The following SMAD6 variants were observed in gnomAD, a reference collection of about 807,000 sequenced individuals.
SMAD6 encodes MAD homolog 6.
Under a neutral mutation model 39.4 loss-of-function variants are expected in SMAD6, and 103 were observed. That is an observed-to-expected ratio of 2.62 (90% CI 2.23 to 3.08). The LOEUF (loss-of-function observed/expected upper bound fraction) is 3.08. SMAD6 is among the 30% of genes most tolerant of loss of function. SMAD6 has a pLI of 0.00. For missense variants in SMAD6, 1,104 were observed against 742.9 expected (o/e 1.49, Z -5.65); for synonymous variants, 445 against 353.3 (o/e 1.26, Z -2.91).
At chr15:66,712,118 G>A (rs1046896926) in intron 2 of SMAD6, among the ~76,000 whole-genome samples, 13 of 152,182 alleles carry the variant, frequency 8.5e-5, no homozygotes, top group African/African-American at 2.4e-5. Context: ...TTAATTAGTA[G>A]TATGACAAAT....
At chr15:66,767,931 A>G (rs1189813773) in intron 3 of SMAD6, among the ~76,000 whole-genome samples, 3 of 127,740 alleles carry the variant, frequency 2.3e-5, no homozygotes, top group Non-Finnish European at 3.4e-5. Context: ...TGTACTTTTA[A>G]TTTTGGAGTG....
intron 3 of SMAD6, among the ~76,000 whole-genome samples, chr15:66,746,998 GTGAC>G: frequency 6.6e-6 from 1 of 152,216 alleles, no homozygotes; most frequent in Non-Finnish European, 1.5e-5. Flanking sequence ...GTATGTTTGA[GTGAC>G]TTTCTGGGAT....
At chr15:66,745,710 C>G (rs565785299) in intron 3 of SMAD6, among the ~76,000 whole-genome samples, 6 of 152,336 alleles carry the variant, frequency 3.9e-5, no homozygotes, top group South Asian at 2.1e-4. Context: ...CAGGCTCCCC[C>G]CCAAGCTCTG....
At chr15:66,761,841 A>T (rs1174087763) in intron 3 of SMAD6, among the ~76,000 whole-genome samples, 1 of 152,124 alleles carries the variant, frequency 6.6e-6, no homozygotes, top group Non-Finnish European at 1.5e-5. Flanking sequence ...ATTCCACGGC[A>T]CCCTGTACTT....
intron 3 of SMAD6, among the ~76,000 whole-genome samples, chr15:66,740,005 G>T (rs1191039276): frequency 6.6e-6 from 1 of 152,198 alleles, no homozygotes; most frequent in Non-Finnish European, 1.5e-5. Context: ...ATATTTTCCT[G>T]TGTCATTAAC....
At chr15:66,712,931 C>T (rs779209885) in intron 2 of SMAD6, among the ~76,000 whole-genome samples, 6 of 152,136 alleles carry the variant, frequency 3.9e-5, no homozygotes, top group South Asian at 2.1e-4. Context: ...CCCTTAAGCC[C>T]AGGAGTTAGA....
intron 3 of SMAD6, among the ~76,000 whole-genome samples, chr15:66,728,407 T>G (rs28541588): frequency 1.3e-5 from 2 of 151,906 alleles, no homozygotes; most frequent in Admixed American, 6.6e-5. Flanking sequence ...TTTGTTTTTT[T>G]TTTGTTTTTT....
At chr15:66,744,313 C>T (rs775608511) in intron 3 of SMAD6, among the ~76,000 whole-genome samples, 1 of 152,228 alleles carries the variant, frequency 6.6e-6, no homozygotes, top group Non-Finnish European at 1.5e-5. Flanking sequence ...GTGTGGCCTG[C>T]CTCGGGCCAG....
At chr15:66,749,532 A>G (rs1567106964) in intron 3 of SMAD6, among the ~76,000 whole-genome samples, 1 of 152,096 alleles carries the variant, frequency 6.6e-6, no homozygotes, top group Non-Finnish European at 1.5e-5. Flanking sequence ...ATGGGAGCAA[A>G]GTTGAGCCCG....
At chr15:66,776,546 A>T (rs1382055724) in intron 3 of SMAD6, among the ~76,000 whole-genome samples, 1 of 152,178 alleles carries the variant, frequency 6.6e-6, no homozygotes, top group South Asian at 2.1e-4. Flanking sequence ...ACCATGTGGC[A>T]TGGATTAGAG....
chr15:66,764,479 C>G (rs28411714), intron 3 of SMAD6, among the ~76,000 whole-genome samples: 2 of 152,032 alleles, frequency 1.3e-5, no homozygotes, highest in Admixed American at 1.3e-4. Flanking sequence ...CCCTTCCTCC[C>G]TAGAGTATAT....
chr15:66,766,052 T>C (rs980357069), intron 3 of SMAD6, among the ~76,000 whole-genome samples: 1 of 152,200 alleles, frequency 6.6e-6, no homozygotes, highest in South Asian at 2.1e-4. Flanking sequence ...AGGAAAAGTT[T>C]GACTTTGCCT....
intron 3 of SMAD6, among the ~76,000 whole-genome samples, chr15:66,737,463 AC>A (rs964677574): frequency 1.3e-5 from 2 of 152,256 alleles, no homozygotes; most frequent in African/African-American, 4.8e-5. Context: ...CTAGCTCAGT[AC>A]TTCTCCACCT....
chr15:66,702,737 G>A lies in SMAD6; in HGVS notation c.-522G>A, dbSNP rs34643453. On this transcript the variant is annotated 5_prime_UTR_variant, in exon 1 of 4. Transcript: ENST00000288840. ...TTTTTTTTCTTTTTGCAGGGAGTAA[G>A]AAGGGAGCTGGGGGTATCAACAAGC... 30,264 of 152,258 alleles carry A rather than the reference G, an allele frequency of 0.2. 3,263 individuals carry two copies. Among genetic ancestry groups the A allele is most frequent in the Admixed American group, 0.35 (5,280 of 15,270 alleles). 9.4% of individuals were successfully genotyped at this position (152,258 alleles called of 1,614,324 possible).
chr15:66,743,688 A>G (rs1364390338), intron 3 of SMAD6, among the ~76,000 whole-genome samples: 1 of 152,228 alleles, frequency 6.6e-6, no homozygotes, highest in East Asian at 1.9e-4. Context: ...GAAAATAATT[A>G]TATTATTCTT....
intron 2 of SMAD6, among the ~76,000 whole-genome samples, chr15:66,712,552 A>G (rs1258266462): frequency 6.6e-6 from 1 of 152,072 alleles, no homozygotes; most frequent in African/African-American, 2.4e-5. Context: ...TGTGGTACAC[A>G]TGCTCCCGAG....
In SMAD6 at chr15:66,781,145, C is replaced by T. The variant is rs1894557248; in HGVS notation, c.1101C>T (p.Cys367=). Residue 367 remains cysteine, a synonymous_variant, in exon 4 of 4, where the codon TGC becomes TGT. Coordinates refer to ENST00000288840, the MANE Select transcript of SMAD6 (RefSeq NM_005585.5). ...ACCTACCTCAGGGCAGCGGCTTCTG[C>T]CTGGGCCAGCTCAACCTGGAGCAGC... The part of the protein sequence containing the change: ...FYDLPQGSGF[C]LGQLNLEQRS... The T allele has an allele frequency of 1.2e-6, 2 of 1,608,178 alleles. No individual in the cohort carries two copies. The highest frequency in any genetic ancestry group is 1.7e-6 in the Non-Finnish European group (2 of 1,179,764).
At chr15:66,717,949 A>G (rs980349535) in intron 3 of SMAD6, among the ~76,000 whole-genome samples, 4 of 152,356 alleles carry the variant, frequency 2.6e-5, no homozygotes, top group Middle Eastern at 3.4e-3. Context: ...TACATGAGTG[A>G]AAGCCACATA....
intron 2 of SMAD6, among the ~76,000 whole-genome samples, chr15:66,715,754 TAA>T (rs1362678984): frequency 1.5e-5 from 2 of 134,214 alleles, no homozygotes; most frequent in Non-Finnish European, 3.1e-5. Flanking sequence ...ATGAAGTACT[TAA>T]AACTACTTAA....
Sources: allele counts gnomAD v4.1 joint callset (sites outside exome capture counted in the v4.1 genomes callset), GRCh38; gene constraint gnomAD v4.1.1; transcripts MANE v1.5; gene names NCBI Gene and HGNC (gene_info 2026-07-23, HGNC 2026-07-21).